SS18L1: variants seen among roughly 807,000 people sequenced by gnomAD.
SS18L1 encodes calcium-responsive transactivator.
SS18L1 carries 32 observed loss-of-function variants against 70.3 expected under a neutral mutation model. That is an observed-to-expected ratio of 0.46 (90% CI 0.34 to 0.61). The LOEUF (loss-of-function observed/expected upper bound fraction) is 0.61. SS18L1 is among the 20% of genes least tolerant of loss of function. SS18L1 has a pLI of 0.01. For missense variants in SS18L1, 430 were observed against 542.1 expected (o/e 0.79, Z 2.05); for synonymous variants, 237 against 229.7 (o/e 1.03, Z -0.29).
Position 62,161,401 on chromosome 20 carries a change from A to ACCGT in SS18L1, c.232-34_232-31dup. ...TGTGGAGGTCGCTCTCCGTAAATTAACCGTTTTTCCCTGAAAACTTCCTGT... is the reference window on the plus strand; with the variant it reads ...TGTGGAGGTCGCTCTCCGTAAATTAACCGTCCGTTTTTCCCTGAAAACTTCCTGT... On this transcript the variant is annotated intron_variant, in intron 3 of 10. Transcript: ENST00000331758. This position sits in a 1 kb window ranked among gnomAD's most constrained non-coding sequence, Gnocchi z 4.4. 6.2e-7 allele frequency: 1 copy of ACCGT among 1,612,142 alleles called. No individual in the cohort carries two copies. Among genetic ancestry groups the ACCGT allele is most frequent in the South Asian group, 1.1e-5 (1 of 91,002 alleles).
intron 8 of SS18L1, among the ~76,000 whole-genome samples, chr20:62,170,906 G>A (rs372476962): frequency 1.4e-5 from 2 of 144,060 alleles, no homozygotes; most frequent in Non-Finnish European, 3.1e-5. Context: ...TTTTTTTTTT[G>A]TTTATGTTTT....
intron 8 of SS18L1, among the ~76,000 whole-genome samples, chr20:62,170,317 AAC>A (rs1985517070): frequency 6.6e-6 from 1 of 152,208 alleles, no homozygotes; most frequent in Non-Finnish European, 1.5e-5. Flanking sequence ...CATCGTGGCT[AAC>A]ACGGTGAAAC....
intron 1 of SS18L1, among the ~76,000 whole-genome samples, chr20:62,146,508 G>C (rs2145684889): frequency 6.6e-6 from 1 of 151,988 alleles, no homozygotes; most frequent in South Asian, 2.1e-4. Context: ...CAAGTCCAGG[G>C]GTCAGTTACC....
rs529408062 is a variant in SS18L1 at position 62,156,072 on chromosome 20, G to A, written c.70-2600G>A. On this transcript the variant is annotated intron_variant, in intron 1 of 10. Coordinates refer to ENST00000331758, the MANE Select transcript of SS18L1 (RefSeq NM_198935.3). ...TGTGTTTCGTCGTGCTTCGTCGTGC[G>A]TACATAAACCTCGCGGCACTGCCCT... Among the ~76,000 whole-genome samples the A allele has an allele frequency of 4.6e-5, 7 of 151,364 alleles. 1 individual carries two copies. The South Asian group carries it at 8.5e-4, about 18-fold the overall frequency.
intron 10 of SS18L1, 96 bp from the exon 11 acceptor site, chr20:62,179,086 G>A (rs1246273466): frequency 1.5e-6 from 2 of 1,379,002 alleles, no homozygotes; most frequent in African/African-American, 1.4e-5. Flanking sequence ...TTTGCTTGCT[G>A]TTGTCCCTCC....
In SS18L1 at chr20:62,158,571, C is replaced by T. The variant is rs576569760; in HGVS notation, c.70-101C>T. The T allele has an allele frequency of 2.1e-5, 31 of 1,509,192 alleles. No individual in the cohort carries two copies. Among genetic ancestry groups the T allele is most frequent in the African/African-American group, 1.4e-4 (10 of 72,646 alleles). 93.5% of individuals were successfully genotyped at this position (1,509,192 alleles called of 1,614,324 possible). On this transcript the variant is annotated intron_variant, in intron 1 of 10. Coordinates refer to ENST00000331758, the MANE Select transcript of SS18L1 (RefSeq NM_198935.3). The surrounding 1 kb of genome is among the most constrained non-coding windows in gnomAD (Gnocchi z 4.5). ...AATCTGACACGTTTCACGTAAGGGA[C>T]GCTCAACCTATATGAAAACTAGATG...
In SS18L1 at chr20:62,151,894, T is replaced by C. The variant is rs1306317706; in HGVS notation, c.70-6778T>C. ...AGCTGGCCTTCCCCGTTCCCCTCTT[T>C]TCCCGATCCCCAGAGCTGGCCTCCC... On this transcript the variant is annotated intron_variant, in intron 1 of 10. Transcript: ENST00000331758. Among the ~76,000 whole-genome samples the C allele has an allele frequency of 6.6e-4, 94 of 142,250 alleles. 2 individuals are homozygous for C. Among genetic ancestry groups the C allele is most frequent in the African/African-American group, 2.3e-3 (88 of 37,624 alleles). 93.3% of individuals were successfully genotyped at this position (142,250 alleles called of 152,430 possible). A position where few individuals can be genotyped will look rare whatever the true frequency, so the allele number is the denominator to read the frequency against.
Position 62,174,992 on chromosome 20 carries a change from C to G in SS18L1, c.1164+348C>G. On this transcript the variant is annotated intron_variant, in intron 10 of 10. Coordinates refer to ENST00000331758, the MANE Select transcript of SS18L1 (RefSeq NM_198935.3). This position sits in a 1 kb window ranked among gnomAD's most constrained non-coding sequence, Gnocchi z 4.1. ...CGACACGAACCCTGCACTTTTAGAGCTTATGTCTCGCTACAGAGACATAAG... is the reference window on the plus strand; with the variant it reads ...CGACACGAACCCTGCACTTTTAGAGGTTATGTCTCGCTACAGAGACATAAG... 1.1e-6 allele frequency: 1 copy of G among 870,270 alleles called. No individual in the cohort carries two copies. Among genetic ancestry groups the G allele is most frequent in the Non-Finnish European group, 1.4e-6 (1 of 724,980 alleles). The allele number at this position is 870,270 out of a possible 1,614,324, so 53.9% of individuals were successfully genotyped here.
At chr20:62,157,188 G>A (rs1320937491) in intron 1 of SS18L1, among the ~76,000 whole-genome samples, 1 of 152,184 alleles carries the variant, frequency 6.6e-6, no homozygotes, top group Non-Finnish European at 1.5e-5. Context: ...ATGCCGCCTG[G>A]CCCCAGCCCC....
chr20:62,172,608 C>CCAAATTT, intron 8 of SS18L1, 74 bp from the exon 9 acceptor site: 1 of 1,604,410 alleles, frequency 6.2e-7, no homozygotes, highest in South Asian at 1.1e-5. Context: ...GTTACCGTGT[C>CCAAATTT]GTGAGTGGGC....
At chr20:62,165,180 C>T (rs1331306254) in intron 7 of SS18L1, among the ~76,000 whole-genome samples, 1 of 152,216 alleles carries the variant, frequency 6.6e-6, no homozygotes, top group South Asian at 2.1e-4. Context: ...AAGCGCTGAT[C>T]CTCTGCATAA....
rs61744430 is a variant in SS18L1 at position 62,162,852 on chromosome 20, G to T, written c.477G>T (p.Ser159=). The T allele has an allele frequency of 5.7e-5, 92 of 1,612,836 alleles. No homozygotes were observed. The highest frequency in any genetic ancestry group is 8.8e-5 in the South Asian group (8 of 91,080). ...GPGYSHAGPA[S]QGVPMQGQGT... ...GCTACAGCCACGCGGGACCCGCCTC[G>T]CAGGGCGTCCCCATGCAGGGGCAAG... Residue 159 remains serine, a synonymous_variant, in exon 5 of 11, where the codon TCG becomes TCT. Transcript: ENST00000331758.
At chr20:62,165,842 A>G (rs1171761697) in intron 8 of SS18L1, among the ~76,000 whole-genome samples, 1 of 151,098 alleles carries the variant, frequency 6.6e-6, no homozygotes, top group South Asian at 2.1e-4. Flanking sequence ...GGGGTTGGGG[A>G]CACAGACTCT....
chr20:62,161,695 C>T lies in SS18L1; in HGVS notation c.376+115C>T. 1 of 1,423,390 alleles carries T rather than the reference C, an allele frequency of 7.0e-7. No homozygotes were observed. Among genetic ancestry groups the T allele is most frequent in the South Asian group, 1.4e-5 (1 of 70,280 alleles). 88.2% of individuals were successfully genotyped at this position (1,423,390 alleles called of 1,614,324 possible). On this transcript the variant is annotated intron_variant, in intron 4 of 10. Transcript: ENST00000331758. This position sits in a 1 kb window ranked among gnomAD's most constrained non-coding sequence, Gnocchi z 4.4. ...CCCTCACAGGGCTGGGCATGGGACC[C>T]ACTCCTCCTGGGGTAGCCACAGGTC...
intron 1 of SS18L1, among the ~76,000 whole-genome samples, chr20:62,153,233 C>T (rs1175568592): frequency 2.0e-5 from 3 of 152,230 alleles, no homozygotes; most frequent in East Asian, 1.9e-4. Flanking sequence ...GAGACAGCTC[C>T]CATCCATCTA....
intron 9 of SS18L1, among the ~76,000 whole-genome samples, chr20:62,173,710 A>G (rs1228225338): frequency 6.6e-6 from 1 of 151,568 alleles, no homozygotes; most frequent in Non-Finnish European, 1.5e-5. Context: ...GACTCCTCAA[A>G]AAATAAAAAA....
At chr20:62,175,689 A>G (rs1028865459) in intron 10 of SS18L1, among the ~76,000 whole-genome samples, 1 of 152,184 alleles carries the variant, frequency 6.6e-6, no homozygotes, top group East Asian at 1.9e-4. Context: ...ACATCGCTCA[A>G]GTTTGTTTTT....
At chr20:62,156,819 C>T (rs2057231645) in intron 1 of SS18L1, among the ~76,000 whole-genome samples, 1 of 152,238 alleles carries the variant, frequency 6.6e-6, no homozygotes, top group Non-Finnish European at 1.5e-5. Context: ...TCCCCTGCTC[C>T]AGGGCCTGTA....
chr20:62,144,376 G>T (rs1050999663), intron 1 of SS18L1, among the ~76,000 whole-genome samples: 1 of 152,212 alleles, frequency 6.6e-6, no homozygotes, highest in Admixed American at 6.5e-5. Flanking sequence ...GAGGGGCCCG[G>T]GTCGGCCTCC....
Sources: gnomAD v4.1 joint callset for allele counts (sites outside exome capture counted in the v4.1 genomes callset) on GRCh38, gnomAD v4.1.1 for gene constraint, Gnocchi (gnomAD v3.1) non-coding constraint, MANE v1.5 for transcripts, NCBI Gene and HGNC (gene_info 2026-07-23, HGNC 2026-07-21) for gene names.